Variants in FOXK1 observed in about 807,000 individuals in gnomAD.
The protein encoded by FOXK1 is forkhead box protein K1.
In FOXK1, 19 loss-of-function variants were observed where a neutral mutation model predicts 51.9. The observed-to-expected ratio is 0.37, with a 90% CI of 0.26 to 0.54. The LOEUF (loss-of-function observed/expected upper bound fraction) is 0.54. Ranked by LOEUF, FOXK1 falls within the 20% of genes least tolerant of loss-of-function variation. FOXK1 has a pLI of 0.87. For synonymous variants in FOXK1, 537 were observed against 482.6 expected (o/e 1.11, Z -1.48); for missense variants, 870 against 1,032.7 (o/e 0.84, Z 2.16).
At position 4,762,973 on chromosome 7, in the gene FOXK1, A is replaced by G. The variant is rs1780958020; in HGVS notation, c.*509A>G. ...CCACCTAACAGCCTCTCCGCCCGGA[A>G]CGTGACATAGAGAGTGTTGGCATTA... On this transcript the variant is annotated 3_prime_UTR_variant, in exon 9 of 9. Coordinates refer to ENST00000328914, the MANE Select transcript of FOXK1 (RefSeq NM_001037165.2). The surrounding 1 kb of genome is among the most constrained non-coding windows in gnomAD (Gnocchi z 5.7). The G allele has an allele frequency of 6.3e-6, 1 of 159,972 alleles. No individual in the cohort carries two copies. The highest frequency in any genetic ancestry group is 5.9e-5 in the Admixed American group (1 of 17,086). The allele number at this position is 159,972 out of a possible 1,614,324, so 9.9% of individuals were successfully genotyped here.
Position 4,746,338 on chromosome 7 carries a change from G to A in FOXK1, c.746+5315G>A, listed in dbSNP as rs533821158. ...TGAGTTTGGAGGTTATTGGATCTAC[G>A]TTAGAAATACTCTCCTTTTTCTGAC... On this transcript the variant is annotated intron_variant, in intron 2 of 8. Transcript: ENST00000328914. Among the ~76,000 whole-genome samples, 4 of 152,216 alleles carry A rather than the reference G, an allele frequency of 2.6e-5. No homozygotes were observed. The East Asian group carries it at 7.7e-4, about 29-fold the overall frequency.
intron 1 of FOXK1, among the ~76,000 whole-genome samples, chr7:4,687,731 G>T (rs1430201909): frequency 6.6e-6 from 1 of 151,894 alleles, no homozygotes; most frequent in South Asian, 2.1e-4. Context: ...AAGCCTTTTC[G>T]CCCAGTATTT....
At chr7:4,692,833 C>A (rs1209347923) in intron 1 of FOXK1, among the ~76,000 whole-genome samples, 1 of 151,322 alleles carries the variant, frequency 6.6e-6, no homozygotes, top group Non-Finnish European at 1.5e-5. Context: ...CTCAAGCAGT[C>A]CTCCTGCCTC....
rs184068546 is a variant in FOXK1 at position 4,757,455 on chromosome 7, C to T, written c.1244+268C>T. ...CCAGCCTAGCCAACATGGTGAAACC[C>T]CTGCCTCTACTAAAAAAATTCAAAA... On this transcript the variant is annotated intron_variant, in intron 5 of 8. Coordinates refer to ENST00000328914, the MANE Select transcript of FOXK1 (RefSeq NM_001037165.2). Among the ~76,000 whole-genome samples the T allele has an allele frequency of 3.0e-3, 463 of 151,824 alleles. 2 individuals carry two copies. Among genetic ancestry groups the T allele is most frequent in the African/African-American group, 0.011 (447 of 41,446 alleles).
intron 1 of FOXK1, among the ~76,000 whole-genome samples, chr7:4,738,436 CA>C (rs763097060): frequency 0.039 from 3,833 of 99,000 alleles, 127 homozygotes; most frequent in African/African-American, 0.12. Flanking sequence ...GACTCCGTCT[CA>C]AAAAAAAAAA....
chr7:4,691,187 G>T (rs1002567429), intron 1 of FOXK1, among the ~76,000 whole-genome samples: 1 of 152,210 alleles, frequency 6.6e-6, no homozygotes, highest in African/African-American at 2.4e-5. Flanking sequence ...CATTTCTACA[G>T]TGTTGATGAT....
intron 1 of FOXK1, among the ~76,000 whole-genome samples, chr7:4,736,512 A>G (rs1437733399): frequency 6.6e-6 from 1 of 151,518 alleles, no homozygotes; most frequent in Non-Finnish European, 1.5e-5. Flanking sequence ...TCCTGGGTTC[A>G]AGCAATTCTC....
intron 1 of FOXK1, among the ~76,000 whole-genome samples, chr7:4,686,510 T>G (rs1427519106): frequency 6.6e-6 from 1 of 152,192 alleles, no homozygotes; most frequent in Non-Finnish European, 1.5e-5. Flanking sequence ...TGGGTAAGCA[T>G]CTCGCCAGAG....
intron 1 of FOXK1, among the ~76,000 whole-genome samples, chr7:4,698,379 A>C (rs1430170533): frequency 6.7e-6 from 1 of 149,340 alleles, no homozygotes; most frequent in Non-Finnish European, 1.5e-5. Context: ...AAGAATAAGG[A>C]TTTTTTTTTT....
intron 1 of FOXK1, among the ~76,000 whole-genome samples, chr7:4,705,354 C>CT (rs1252218126): frequency 6.6e-6 from 1 of 150,950 alleles, no homozygotes. Flanking sequence ...CCCTGGCCAA[C>CT]TTTTTTTTGT....
At position 4,762,221 on chromosome 7, in the gene FOXK1, G is replaced by C. The variant is rs192821100; in HGVS notation, c.1959G>C (p.Ala653=). The C allele has an allele frequency of 2.6e-6, 4 of 1,555,456 alleles. No homozygotes were observed. The East Asian group carries it at 9.7e-5, about 38-fold the overall frequency. ...CTTTGCAGCTCCTTGCGACCCAAGC[G>C]AGTTCATCCGCGCCGGTGGTGGTCA... The part of the protein sequence containing the change: ...TSPLQLLATQ[A]SSSAPVVVTR... The change falls in exon 9 of 9, where the codon GCG becomes GCC. Residue 653 remains alanine, a synonymous_variant. Coordinates refer to ENST00000328914, the MANE Select transcript of FOXK1 (RefSeq NM_001037165.2). The surrounding 1 kb of genome is among the most constrained non-coding windows in gnomAD (Gnocchi z 5.7).
intron 1 of FOXK1, among the ~76,000 whole-genome samples, chr7:4,728,846 A>G (rs1780414494): frequency 6.6e-6 from 1 of 152,052 alleles, no homozygotes; most frequent in Non-Finnish European, 1.5e-5. Context: ...GACCCTGGGG[A>G]ACAGTCTTAG....
At chr7:4,752,742 C>T (rs1297293906) in intron 2 of FOXK1, among the ~76,000 whole-genome samples, 9 of 152,168 alleles carry the variant, frequency 5.9e-5, no homozygotes, top group East Asian at 1.9e-4. Context: ...CCAAGGGGGA[C>T]GTCCAGTGGC....
Position 4,759,294 on chromosome 7 carries a change from C to A in FOXK1, c.1412-17C>A. Reference sequence around the variant, plus strand: ...GGTGCGGGAGGGGTCACCGTCCGCTCTCCGCCCTCCGTGCAGGCTCCCCCG... The same window carrying A: ...GGTGCGGGAGGGGTCACCGTCCGCTATCCGCCCTCCGTGCAGGCTCCCCCG... On this transcript the variant is annotated splice_polypyrimidine_tract_variant and intron_variant, in intron 6 of 8. Transcript: ENST00000328914. 6.2e-7 allele frequency: 1 copy of A among 1,601,558 alleles called. No individual in the cohort carries two copies. Among genetic ancestry groups the A allele is most frequent in the Non-Finnish European group, 8.5e-7 (1 of 1,178,064 alleles).
chr7:4,693,711 A>G (rs145620325), intron 1 of FOXK1, among the ~76,000 whole-genome samples: 14 of 152,160 alleles, frequency 9.2e-5, no homozygotes, highest in African/African-American at 2.9e-4. Flanking sequence ...GTCCTGGAGT[A>G]AAGTCAGTAA....
intron 1 of FOXK1, among the ~76,000 whole-genome samples, chr7:4,720,933 C>G (rs1019129544): frequency 1.3e-5 from 2 of 151,158 alleles, no homozygotes; most frequent in East Asian, 3.9e-4. Flanking sequence ...AAAAAAAAAA[C>G]TCAACACACG....
Position 4,767,625 on chromosome 7 carries a change from A to G in FOXK1, c.*5161A>G, listed in dbSNP as rs1441976769. 1 of 152,256 alleles carries G rather than the reference A, an allele frequency of 6.6e-6. No individual in the cohort carries two copies. The highest frequency in any genetic ancestry group is 1.5e-5 in the Non-Finnish European group (1 of 68,060). The allele number at this position is 152,256 out of a possible 1,614,324, so 9.4% of individuals were successfully genotyped here. ...TGGAAATGAGGGTAGAATTTGAAAT[A>G]TAACAAATGGTCTCTCGCCCGGTTC... On this transcript the variant is annotated 3_prime_UTR_variant, in exon 9 of 9. Transcript: ENST00000328914. This position sits in a 1 kb window ranked among gnomAD's most constrained non-coding sequence, Gnocchi z 6.6.
chr7:4,715,901 G>A lies in FOXK1; in HGVS notation c.561-24937G>A, dbSNP rs752525491. ...TGGCCGTTGCTGAACTTCAACATTG[G>A]CCACCAATATCTGCTGTCTGTGCTT... On this transcript the variant is annotated intron_variant, in intron 1 of 8. Transcript: ENST00000328914. The surrounding 1 kb of genome is among the most constrained non-coding windows in gnomAD (Gnocchi z 4.5). Among the ~76,000 whole-genome samples the A allele has an allele frequency of 6.6e-6, 1 of 152,186 alleles. No homozygotes were observed. Among genetic ancestry groups the A allele is most frequent in the South Asian group, 2.1e-4 (1 of 4,824 alleles).
intron 1 of FOXK1, among the ~76,000 whole-genome samples, chr7:4,726,562 C>T (rs1780383392): frequency 2.6e-5 from 4 of 151,770 alleles, no homozygotes; most frequent in South Asian, 4.1e-4. Context: ...GTGGAGGTTG[C>T]AGTGAGCCAA....
Sources: gnomAD v4.1 joint callset for allele counts (sites outside exome capture counted in the v4.1 genomes callset) on GRCh38, gnomAD v4.1.1 for gene constraint, Gnocchi (gnomAD v3.1) non-coding constraint, MANE v1.5 for transcripts, NCBI Gene and HGNC (gene_info 2026-07-23, HGNC 2026-07-21) for gene names.